Variants in ADAMTS3 observed in about 807,000 individuals in gnomAD.
ADAMTS3 encodes the protein A disintegrin and metalloproteinase with thrombospondin motifs 3.
Under a neutral mutation model 129.0 loss-of-function variants are expected in ADAMTS3, and 73 were observed. The observed-to-expected ratio is 0.57, with a 90% confidence interval of 0.47 to 0.69. The LOEUF (loss-of-function observed/expected upper bound fraction) is 0.69. ADAMTS3 is among the 30% of genes least tolerant of loss of function. The pLI, the probability that ADAMTS3 is intolerant of heterozygous loss-of-function variation, is 0.00. For synonymous variants in ADAMTS3, 477 were observed against 510.8 expected, an observed-to-expected ratio of 0.93 and a Z score of 0.89; for missense variants, 1,457 against 1,514.5, an observed-to-expected ratio of 0.96 and a Z score of 0.63.
At chr4:72,519,876 G>A (rs888224882) in intron 3 of ADAMTS3, among the ~76,000 whole-genome samples, 1 of 152,186 alleles carries the variant, frequency 6.6e-6, no homozygotes, top group Non-Finnish European at 1.5e-5. Flanking sequence ...TTCCATTGCT[G>A]GTGAAGAACT....
At chr4:72,477,297 C>G (rs530486773) in intron 3 of ADAMTS3, among the ~76,000 whole-genome samples, 76 of 152,226 alleles carry the variant, frequency 5.0e-4, no homozygotes, top group Middle Eastern at 3.4e-3. Flanking sequence ...GGAAGTAAAG[C>G]TCTCATCAGC....
At chr4:72,547,247 G>T (rs1359832516) in intron 3 of ADAMTS3, among the ~76,000 whole-genome samples, 1 of 152,148 alleles carries the variant, frequency 6.6e-6, no homozygotes, top group African/African-American at 2.4e-5. Context: ...ATTGGTAAAG[G>T]ATTAACAGTC....
rs182118474 is a variant in ADAMTS3 at position 72,503,703 on chromosome 4, G to A, written c.504+44775C>T. ...TTTCTAAGGCTGTCAGTCAGTTGTT[G>A]AAATCCCTCAGTATTATTGTGTGAC... is the stretch of plus-strand genomic sequence containing the variant. On this transcript the variant is annotated intron_variant, in intron 3 of 21. Transcript: ENST00000286657. Among the ~76,000 whole-genome samples, 3 of 152,122 alleles carry A rather than the reference G, an allele frequency of 2.0e-5. No individual in the cohort carries two copies. In the East Asian group the frequency reaches 5.8e-4, roughly 29 times the overall value.
chr4:72,369,780 T>C (rs1223439485), intron 4 of ADAMTS3, among the ~76,000 whole-genome samples: 1 of 142,014 alleles, frequency 7.0e-6, no homozygotes, highest in Non-Finnish European at 1.5e-5. Flanking sequence ...ACTTTGAAGG[T>C]GTTAGAGAAC....
At chr4:72,319,303 A>G (rs1179503187) in intron 9 of ADAMTS3, 29 bp downstream of exon 9, 1 of 1,612,664 alleles carries the variant, frequency 6.2e-7, no homozygotes, top group South Asian at 1.1e-5. Context: ...TAAAATAAAT[A>G]CTTTCATGAC....
intron 3 of ADAMTS3, among the ~76,000 whole-genome samples, chr4:72,432,008 G>C (rs893921854): frequency 2.6e-5 from 4 of 151,782 alleles, no homozygotes; most frequent in Non-Finnish European, 4.4e-5. Flanking sequence ...AGCAAATGAA[G>C]AGAAAGCCCA....
At chr4:72,393,659 A>G (rs999512388) in intron 4 of ADAMTS3, among the ~76,000 whole-genome samples, 2 of 152,180 alleles carry the variant, frequency 1.3e-5, no homozygotes, top group Admixed American at 6.5e-5. Flanking sequence ...CTTTCCATAT[A>G]CAGAATATTT....
intron 3 of ADAMTS3, among the ~76,000 whole-genome samples, chr4:72,418,600 C>T (rs1456262715): frequency 6.6e-6 from 1 of 152,210 alleles, no homozygotes; most frequent in Non-Finnish European, 1.5e-5. Flanking sequence ...GCTAGCCCTA[C>T]TCATGGTATT....
intron 4 of ADAMTS3, among the ~76,000 whole-genome samples, chr4:72,345,213 A>G (rs1424819093): frequency 6.6e-6 from 1 of 152,176 alleles, no homozygotes. Context: ...TGCCTTCTTC[A>G]TGAACAGAAT....
At position 72,532,491 on chromosome 4, in the gene ADAMTS3, G is replaced by GCACACACA. The variant is rs35399046; in HGVS notation, c.504+15979_504+15986dup. ...CCTTCTGCTCTTAATAATTTAATAT[G>GCACACACA]CACACACACACACACACACACACAC... On this transcript the variant is annotated intron_variant, in intron 3 of 21. Coordinates refer to ENST00000286657, the MANE Select transcript of ADAMTS3 (RefSeq NM_014243.3). Among the ~76,000 whole-genome samples, 795 of 148,786 alleles carry GCACACACA rather than the reference G, an allele frequency of 5.3e-3. 13 individuals are homozygous for GCACACACA. Among genetic ancestry groups the GCACACACA allele is most frequent in the African/African-American group, 0.019 (752 of 40,526 alleles).
chr4:72,413,826 C>A (rs760758010), intron 4 of ADAMTS3, among the ~76,000 whole-genome samples: 6 of 151,826 alleles, frequency 4.0e-5, no homozygotes, highest in Non-Finnish European at 4.4e-5. Flanking sequence ...TTTCATAATA[C>A]TGTATTTATT....
intron 2 of ADAMTS3, among the ~76,000 whole-genome samples, chr4:72,556,853 T>C (rs926991739): frequency 1.3e-5 from 2 of 151,738 alleles, no homozygotes; most frequent in African/African-American, 4.9e-5. Flanking sequence ...ACTAGAGCTA[T>C]AGAAAAAGAA....
At chr4:72,324,547 A>C (rs758791972) in intron 5 of ADAMTS3, among the ~76,000 whole-genome samples, 7 of 152,208 alleles carry the variant, frequency 4.6e-5, no homozygotes, top group Non-Finnish European at 7.3e-5. Flanking sequence ...GCATGTATAC[A>C]CACATACATT....
chr4:72,454,275 G>C (rs1276734684), intron 3 of ADAMTS3, among the ~76,000 whole-genome samples: 1 of 151,514 alleles, frequency 6.6e-6, no homozygotes, highest in African/African-American at 2.4e-5. Flanking sequence ...TGGTTTTACA[G>C]ATAAGTTAGT....
At chr4:72,458,593 T>A (rs1718685945) in intron 3 of ADAMTS3, among the ~76,000 whole-genome samples, 1 of 151,412 alleles carries the variant, frequency 6.6e-6, no homozygotes, top group Non-Finnish European at 1.5e-5. Flanking sequence ...CTTGAATGAA[T>A]GGTGAAATGG....
chr4:72,318,804 C>T, intron 9 of ADAMTS3, 100 bp from the exon 10 acceptor site: 4 of 1,220,890 alleles, frequency 3.3e-6, no homozygotes, highest in Non-Finnish European at 4.5e-6. Context: ...TTTAGAATTT[C>T]ATCCCAGATC....
intron 3 of ADAMTS3, among the ~76,000 whole-genome samples, chr4:72,526,729 CATACATATATATAT>C (rs1720820729): frequency 2.4e-5 from 1 of 42,396 alleles, no homozygotes; most frequent in South Asian, 1.2e-3. Flanking sequence ...AAAATATATA[CATACATATATATAT>C]ATATATATAT....
At chr4:72,408,701 G>GA (rs34586561) in intron 4 of ADAMTS3, among the ~76,000 whole-genome samples, 92,267 of 145,838 alleles carry the variant, frequency 0.63, 29,246 homozygotes, top group South Asian at 0.79. Flanking sequence ...ATTGTACCTG[G>GA]AAAAAAAAAA....
intron 3 of ADAMTS3, among the ~76,000 whole-genome samples, chr4:72,439,011 C>T (rs370670954): frequency 8.6e-5 from 13 of 151,584 alleles, no homozygotes; most frequent in African/African-American, 2.2e-4. Flanking sequence ...TTAATAGTAA[C>T]GTAATAATTT....
Sources: gnomAD v4.1 joint callset for allele counts (sites outside exome capture counted in the v4.1 genomes callset) on GRCh38, gnomAD v4.1.1 for gene constraint, MANE v1.5 for transcripts, NCBI Gene and HGNC (gene_info 2026-07-23, HGNC 2026-07-21) for gene names.